STAC: variants seen among roughly 807,000 people sequenced by gnomAD.
The protein encoded by STAC is SH3 and cysteine rich domain.
STAC carries 43 observed loss-of-function variants against 48.8 expected under a neutral mutation model. The ratio of observed to expected loss-of-function variants is 0.88; its 90% confidence interval spans 0.69 to 1.14. The LOEUF (loss-of-function observed/expected upper bound fraction) is 1.14. Among genes scored for constraint, STAC ranks in the 50% most tolerant of loss-of-function variants. STAC has a pLI of 0.00. For missense variants in STAC, 497 were observed against 504.0 expected (o/e 0.99, Z 0.13); for synonymous variants, 193 against 179.5 (o/e 1.07, Z -0.60).
Position 36,546,185 on chromosome 3 carries a change from A to G in STAC, c.1111-6A>G, listed in dbSNP as rs754794042. 1.9e-6 allele frequency: 3 copies of G among 1,612,520 alleles called. No individual in the cohort carries two copies. In the African/African-American group the frequency reaches 4.0e-5, roughly 22 times the overall value. ...TATTTTGTTTTTTTTCTTCCTTGGC[A>G]TTCAGATCTGCGTGAGTTCTGAAGA... On this transcript the variant is annotated splice_polypyrimidine_tract_variant and splice_region_variant and intron_variant, in intron 10 of 10. Coordinates refer to ENST00000273183, the MANE Select transcript of STAC (RefSeq NM_003149.3).
intron 2 of STAC, among the ~76,000 whole-genome samples, chr3:36,452,095 G>C (rs544513187): frequency 5.1e-4 from 77 of 152,202 alleles, no homozygotes; most frequent in African/African-American, 1.8e-3. Context: ...CTAAAGACCT[G>C]GGCACTGCTG....
chr3:36,514,376 A>G (rs937563304), intron 8 of STAC, among the ~76,000 whole-genome samples: 26 of 151,710 alleles, frequency 1.7e-4, no homozygotes, highest in African/African-American at 4.1e-4. Flanking sequence ...ACTCTGATTC[A>G]TGCACTAGAT....
In STAC at chr3:36,418,281, A is replaced by G. The variant is rs1700364309; in HGVS notation, c.112-25083A>G. On this transcript the variant is annotated intron_variant, in intron 1 of 10. Coordinates refer to ENST00000273183, the MANE Select transcript of STAC (RefSeq NM_003149.3). ...AATGGCTTTGAAGTTACTCTTAAAT[A>G]CAACTATGATTGTATCTCTTAAAGT... 3.3e-5 allele frequency among the ~76,000 whole-genome samples: 5 copies of G among 152,166 alleles called. No individual in the cohort carries two copies. In the South Asian group the frequency reaches 1.0e-3, roughly 31 times the overall value.
At chr3:36,504,606 T>A in intron 7 of STAC, 149 bp downstream of exon 7, 1 of 654,302 alleles carries the variant, frequency 1.5e-6, no homozygotes, top group South Asian at 2.0e-5. Flanking sequence ...TACCATAGCA[T>A]GGAATAAACA....
At chr3:36,398,328 A>AAAGAAAGAAAGAAAGAAAGC (rs1699900772) in intron 1 of STAC, among the ~76,000 whole-genome samples, 1 of 115,658 alleles carries the variant, frequency 8.6e-6, no homozygotes, top group Admixed American at 8.6e-5. Context: ...AGCAAGAAAG[A>AAAGAAAGAAAGAAAGAAAGC]AAGAAAGAAA....
chr3:36,547,491 G>A lies in STAC; in HGVS notation c.*1202G>A, dbSNP rs1699474556. ...TGTTTACAAGAATGCAATATACTGT[G>A]ATGCCTTCCTACTCAAGCCTCCTAG... On this transcript the variant is annotated 3_prime_UTR_variant, in exon 11 of 11. Transcript: ENST00000273183. 1 of 152,586 alleles carries A rather than the reference G, an allele frequency of 6.6e-6. No homozygotes were observed. The highest frequency in any genetic ancestry group is 2.4e-5 in the African/African-American group (1 of 41,440). The allele number at this position is 152,586 out of a possible 1,614,324, so 9.5% of individuals were successfully genotyped here.
intron 2 of STAC, among the ~76,000 whole-genome samples, chr3:36,453,730 G>C (rs539708340): frequency 0.011 from 329 of 31,278 alleles, 113 homozygotes; most frequent in African/African-American, 0.029. Context: ...CTGCAGCCCC[G>C]GTGCGGGATC....
At chr3:36,450,731 G>T (rs1696652400) in intron 2 of STAC, among the ~76,000 whole-genome samples, 2 of 152,104 alleles carry the variant, frequency 1.3e-5, no homozygotes, top group African/African-American at 2.4e-5. Context: ...CACCATGTTG[G>T]CCAGGCTGGT....
chr3:36,546,116 G>A, intron 10 of STAC, 75 bp from the exon 11 acceptor site: 2 of 1,234,014 alleles, frequency 1.6e-6, no homozygotes, highest in Admixed American at 1.7e-5. Flanking sequence ...AGTCAGCAGG[G>A]ATTCAAGCTG....
intron 2 of STAC, among the ~76,000 whole-genome samples, chr3:36,461,455 T>A (rs1293608945): frequency 6.6e-6 from 1 of 152,156 alleles, no homozygotes; most frequent in African/African-American, 2.4e-5. Context: ...CTCAAAGAGT[T>A]GACATTTTAA....
At chr3:36,463,862 G>C (rs1241208890) in intron 2 of STAC, among the ~76,000 whole-genome samples, 1 of 151,830 alleles carries the variant, frequency 6.6e-6, no homozygotes, top group Admixed American at 6.6e-5. Flanking sequence ...CCTTTTTTAT[G>C]GCTGCATAGT....
intron 8 of STAC, among the ~76,000 whole-genome samples, chr3:36,514,553 A>G (rs775278803): frequency 6.6e-6 from 1 of 151,810 alleles, no homozygotes; most frequent in Non-Finnish European, 1.5e-5. Context: ...TCTCCTGTAA[A>G]CTCCATGAGA....
At chr3:36,436,256 T>C (rs1324348891) in intron 1 of STAC, among the ~76,000 whole-genome samples, 13 of 152,214 alleles carry the variant, frequency 8.5e-5, no homozygotes. Context: ...ATCAGGATTA[T>C]CGCAAGAGTC....
At chr3:36,424,939 A>G (rs1700529598) in intron 1 of STAC, among the ~76,000 whole-genome samples, 1 of 152,212 alleles carries the variant, frequency 6.6e-6, no homozygotes, top group Admixed American at 6.5e-5. Context: ...ATAAATACAG[A>G]ATGACTAATA....
At chr3:36,497,540 A>C (rs1390534632) in intron 6 of STAC, among the ~76,000 whole-genome samples, 1 of 152,092 alleles carries the variant, frequency 6.6e-6, no homozygotes, top group Non-Finnish European at 1.5e-5. Context: ...AACAATAGAC[A>C]ATAAAATGGG....
At chr3:36,461,027 A>G (rs1463156416) in intron 2 of STAC, among the ~76,000 whole-genome samples, 3 of 152,216 alleles carry the variant, frequency 2.0e-5, no homozygotes, top group Non-Finnish European at 4.4e-5. Flanking sequence ...AACAAGAGGA[A>G]TTACAATTCC....
intron 1 of STAC, among the ~76,000 whole-genome samples, chr3:36,429,853 G>C (rs962764570): frequency 6.6e-6 from 1 of 152,230 alleles, no homozygotes; most frequent in Non-Finnish European, 1.5e-5. Flanking sequence ...GACCCAGGCT[G>C]CTGGAAGATA....
chr3:36,475,282 T>A (rs1697462207), intron 2 of STAC, among the ~76,000 whole-genome samples: 1 of 152,080 alleles, frequency 6.6e-6, no homozygotes, highest in Admixed American at 6.5e-5. Flanking sequence ...TTAATTCTAC[T>A]ATGGAGCATT....
chr3:36,494,595 C>T (rs963778065), intron 6 of STAC, among the ~76,000 whole-genome samples: 1 of 152,184 alleles, frequency 6.6e-6, no homozygotes, highest in Non-Finnish European at 1.5e-5. Flanking sequence ...ACCATGTGCT[C>T]AGCTGCCCCA....
Sources: allele counts gnomAD v4.1 joint callset (sites outside exome capture counted in the v4.1 genomes callset), GRCh38; gene constraint gnomAD v4.1.1; transcripts MANE v1.5; gene names NCBI Gene and HGNC (gene_info 2026-07-23, HGNC 2026-07-21).